Variants in OPCML observed in about 807,000 individuals in gnomAD.
OPCML encodes the protein opioid-binding protein/cell adhesion molecule.
In OPCML, 13 loss-of-function variants were observed where a neutral mutation model predicts 37.8. The ratio of observed to expected loss-of-function variants is 0.34; its 90% CI spans 0.22 to 0.55. OPCML has a LOEUF of 0.55. Ranked by LOEUF, OPCML falls within the 20% of genes least tolerant of loss-of-function variation. OPCML has a pLI of 0.91. For missense variants in OPCML, 341 were observed against 435.6 expected (o/e 0.78, Z 1.93); for synonymous variants, 176 against 168.8 (o/e 1.04, Z -0.33).
rs1046790382 is a variant in OPCML, at chr11:132,419,454, T to C, written c.*739A>G. ...ACGTTTATGAGTTGAACTTCTCTTT[T>C]TAAAATAGAGGTTCTATCTTCAAAA... On this transcript the variant is annotated 3_prime_UTR_variant, in exon 8 of 8. Coordinates refer to ENST00000524381, the MANE Select transcript of OPCML (RefSeq NM_001012393.5). 3.9e-5 allele frequency: 6 copies of C among 152,226 alleles called. No individual in the cohort carries two copies. The highest frequency in any genetic ancestry group is 2.0e-4 in the Admixed American group (3 of 15,278). The allele number at this position is 152,226 out of a possible 1,614,324, so 9.4% of individuals were successfully genotyped here. A position where few individuals can be genotyped will look rare whatever the true frequency, so the allele number is the denominator to read the frequency against.
chr11:132,486,521 C>T (rs892120651), intron 4 of OPCML, among the ~76,000 whole-genome samples: 4 of 151,954 alleles, frequency 2.6e-5, no homozygotes, highest in South Asian at 4.2e-4. Flanking sequence ...TTTCCTCTCT[C>T]GGTGCTTGCT....
intron 1 of OPCML, among the ~76,000 whole-genome samples, chr11:133,331,336 A>G (rs975768680): frequency 6.6e-6 from 1 of 152,184 alleles, no homozygotes; most frequent in Admixed American, 6.5e-5. Context: ...AGGACAGCTG[A>G]CATCAATCAT....
chr11:133,227,434 G>GA (rs1940086384), intron 1 of OPCML, among the ~76,000 whole-genome samples: 2 of 152,160 alleles, frequency 1.3e-5, no homozygotes, highest in South Asian at 4.1e-4. Context: ...CTCCCAGTTT[G>GA]AAAAGAGAGA....
chr11:132,834,096 G>T (rs1441612846), intron 2 of OPCML, among the ~76,000 whole-genome samples: 2 of 152,242 alleles, frequency 1.3e-5, no homozygotes, highest in Non-Finnish European at 2.9e-5. Flanking sequence ...TTGGCTCATA[G>T]CTCCTTTTCT....
chr11:132,652,016 A>G (rs1941452218), intron 3 of OPCML, among the ~76,000 whole-genome samples: 1 of 152,086 alleles, frequency 6.6e-6, no homozygotes, highest in South Asian at 2.1e-4. Flanking sequence ...CCAACAAACA[A>G]CGACAATGAC....
intron 1 of OPCML, among the ~76,000 whole-genome samples, chr11:132,963,749 C>T (rs1008015058): frequency 8.7e-5 from 12 of 138,646 alleles, no homozygotes; most frequent in Non-Finnish European, 9.8e-5. Flanking sequence ...ATCCGTATTA[C>T]GATATTATTA....
chr11:132,929,103 A>G (rs1945098793), intron 2 of OPCML, among the ~76,000 whole-genome samples: 1 of 151,792 alleles, frequency 6.6e-6, no homozygotes, highest in African/African-American at 2.4e-5. Flanking sequence ...AATAATAAAT[A>G]TTATAGGAGA....
intron 3 of OPCML, among the ~76,000 whole-genome samples, chr11:132,598,468 A>G (rs73041763): frequency 0.11 from 17,121 of 152,136 alleles, 1,623 homozygotes; most frequent in African/African-American, 0.24. Context: ...ATTTCTATAA[A>G]TTAAATATGC....
At chr11:132,768,107 A>T (rs1174192195) in intron 2 of OPCML, among the ~76,000 whole-genome samples, 2 of 152,212 alleles carry the variant, frequency 1.3e-5, no homozygotes, top group Admixed American at 6.5e-5. Flanking sequence ...TATATTTACA[A>T]GTCTTCTCCA....
At position 133,206,359 on chromosome 11, in the gene OPCML, G is replaced by A. The variant is rs1458293364; in HGVS notation, c.62-263349C>T. 6.6e-6 allele frequency among the ~76,000 whole-genome samples: 1 copy of A among 152,090 alleles called. No individual in the cohort carries two copies. Among genetic ancestry groups the A allele is most frequent in the Non-Finnish European group, 1.5e-5 (1 of 68,028 alleles). On this transcript the variant is annotated intron_variant, in intron 1 of 7. Transcript: ENST00000524381. The surrounding 1 kb of genome is among the most constrained non-coding windows in gnomAD (Gnocchi z 4.7). ...AGTTCAGTTCTGTATCTACTACCACGTAGCAATGAAACATTTAGGAAACTG... is the reference window on the plus strand; with the variant it reads ...AGTTCAGTTCTGTATCTACTACCACATAGCAATGAAACATTTAGGAAACTG...
chr11:132,708,568 G>C (rs1373645392), intron 2 of OPCML, among the ~76,000 whole-genome samples: 1 of 152,154 alleles, frequency 6.6e-6, no homozygotes, highest in Non-Finnish European at 1.5e-5. Context: ...AGACCAAGTA[G>C]GTAACACAGG....
In OPCML at chr11:132,571,900, G is replaced by T. The variant is rs2096439462; in HGVS notation, c.380-42714C>A. On this transcript the variant is annotated intron_variant, in intron 3 of 7. Coordinates refer to ENST00000524381, the MANE Select transcript of OPCML (RefSeq NM_001012393.5). ...TGCATTCCCACCAATAGTAAGCAAG[G>T]GTTCCAAATCCCCCACATCCTCACA... Among the ~76,000 whole-genome samples the T allele has an allele frequency of 2.0e-5, 3 of 152,090 alleles. No individual in the cohort carries two copies. The South Asian group carries it at 6.2e-4, about 32-fold the overall frequency.
chr11:133,500,505 C>T (rs569001052), intron 1 of OPCML, among the ~76,000 whole-genome samples: 10 of 152,318 alleles, frequency 6.6e-5, no homozygotes, highest in African/African-American at 1.4e-4. Flanking sequence ...GTATATTTCT[C>T]GAGTCTCCAG....
At chr11:132,785,083 T>C (rs1947162895) in intron 2 of OPCML, among the ~76,000 whole-genome samples, 1 of 152,232 alleles carries the variant, frequency 6.6e-6, no homozygotes, top group Admixed American at 6.5e-5. Context: ...ACATATAATT[T>C]ATGTGCTTAG....
chr11:133,290,194 C>G (rs537882174), intron 1 of OPCML, among the ~76,000 whole-genome samples: 1 of 152,322 alleles, frequency 6.6e-6, no homozygotes, highest in East Asian at 1.9e-4. Flanking sequence ...AGCTGCACTG[C>G]TTTTGCCCTG....
chr11:132,601,865 C>G (rs1406584553), intron 3 of OPCML, among the ~76,000 whole-genome samples: 1 of 152,128 alleles, frequency 6.6e-6, no homozygotes, highest in Non-Finnish European at 1.5e-5. Flanking sequence ...CTATAAGAGG[C>G]CATGGCAGTT....
chr11:133,088,338 A>C (rs1193837588), intron 1 of OPCML, among the ~76,000 whole-genome samples: 1 of 152,236 alleles, frequency 6.6e-6, no homozygotes, highest in Non-Finnish European at 1.5e-5. Flanking sequence ...AGCAAATTAC[A>C]TCATTTCCAT....
At chr11:132,934,825 C>T (rs1352767653) in intron 2 of OPCML, among the ~76,000 whole-genome samples, 1 of 151,878 alleles carries the variant, frequency 6.6e-6, no homozygotes, top group Non-Finnish European at 1.5e-5. Context: ...AGAGTAGTGA[C>T]AAATGCATAC....
chr11:132,597,690 G>C (rs1288480029), intron 3 of OPCML, among the ~76,000 whole-genome samples: 1 of 152,138 alleles, frequency 6.6e-6, no homozygotes, highest in East Asian at 1.9e-4. Context: ...GGTATAACAG[G>C]GAAGGCAGGG....
Sources: allele counts gnomAD v4.1 joint callset (sites outside exome capture counted in the v4.1 genomes callset), GRCh38; gene constraint gnomAD v4.1.1; non-coding constraint Gnocchi (gnomAD v3.1); transcripts MANE v1.5; gene names NCBI Gene and HGNC (gene_info 2026-07-23, HGNC 2026-07-21).